Variants in DYNC2I1 observed in about 807,000 individuals in gnomAD.
The protein encoded by DYNC2I1 is dynein 2 intermediate chain 1.
A neutral mutation model predicts 133.4 loss-of-function variants in DYNC2I1; 89 were observed. The ratio of observed to expected loss-of-function variants is 0.67; its 90% CI spans 0.56 to 0.80. DYNC2I1 has a LOEUF of 0.80. Ranked by LOEUF, DYNC2I1 falls within the 30% of genes least tolerant of loss-of-function variation. The pLI, the probability that DYNC2I1 is intolerant of heterozygous loss-of-function variation, is 0.00. For synonymous variants in DYNC2I1, 504 were observed against 484.3 expected (o/e 1.04, Z -0.54); for missense variants, 1,291 against 1,314.5 (o/e 0.98, Z 0.28).
At chr7:158,847,120 A>C in the DYNC2I1 span, among the ~76,000 whole-genome samples, 2 of 152,256 alleles carry the variant, frequency 1.3e-5, no homozygotes, top group African/African-American at 4.8e-5. Context: ...TCACTTTAGT[A>C]ATATTTCGTA....
chr7:158,931,074 T>G (rs1475656180), intron 21 of DYNC2I1, among the ~76,000 whole-genome samples: 1 of 152,228 alleles, frequency 6.6e-6, no homozygotes, highest in Non-Finnish European at 1.5e-5. Context: ...TGGTCTTACT[T>G]AACTATTCTT....
In DYNC2I1 at chr7:158,876,598, ACTT is replaced by A; in HGVS notation, c.491-7_491-5del. The A allele has an allele frequency of 6.4e-7, 1 of 1,555,432 alleles. No homozygotes were observed. The highest frequency in any genetic ancestry group is 8.6e-7 in the Non-Finnish European group (1 of 1,158,826). ...TTTGGGAGTATTAAAAATATGTTTTACTTCTTGTAGTAAGTAAAGTAAGAAGTG... is the reference window on the plus strand; with the variant it reads ...TTTGGGAGTATTAAAAATATGTTTTACTTGTAGTAAGTAAAGTAAGAAGTG... On this transcript the variant is annotated splice_region_variant and splice_polypyrimidine_tract_variant and intron_variant, in intron 3 of 24. Coordinates refer to ENST00000407559, the MANE Select transcript of DYNC2I1 (RefSeq NM_018051.5).
intron 5 of DYNC2I1, among the ~76,000 whole-genome samples, chr7:158,881,202 C>T (rs1224109356): frequency 6.6e-6 from 1 of 152,240 alleles, no homozygotes; most frequent in Non-Finnish European, 1.5e-5. Context: ...CCTTTAACCT[C>T]CCTCGCCTTT....
At chr7:158,948,096 G>A (rs2129490113), downstream of DYNC2I1, among the ~76,000 whole-genome samples, 1 of 152,370 alleles carries the variant, frequency 6.6e-6, no homozygotes, top group East Asian at 1.9e-4. Flanking sequence ...CGCTAGCGAT[G>A]CCTCCGGGAT....
chr7:158,916,820 G>T lies in DYNC2I1; in HGVS notation c.1792-1920G>T, dbSNP rs1357418922. 6.9e-5 allele frequency among the ~76,000 whole-genome samples: 3 copies of T among 43,524 alleles called. No individual in the cohort carries two copies. In the East Asian group the frequency reaches 1.7e-3, roughly 25 times the overall value. The allele number at this position is 43,524 out of a possible 152,430, so 28.6% of individuals were successfully genotyped here. Reference sequence around the variant, plus strand: ...TTGACATTAAGGATGATTGTGAAACGTCGACACGCTGGTTGACATTAAGGA... The same window carrying T: ...TTGACATTAAGGATGATTGTGAAACTTCGACACGCTGGTTGACATTAAGGA... On this transcript the variant is annotated intron_variant, in intron 14 of 24. Transcript: ENST00000407559.
At chr7:158,878,006 C>T (rs141565091) in intron 4 of DYNC2I1, among the ~76,000 whole-genome samples, 2,369 of 152,292 alleles carry the variant, frequency 0.016, 27 homozygotes, top group Non-Finnish European at 0.023. Context: ...GGAGGGCTGA[C>T]TGTGAGTGCC....
chr7:158,926,432 C>T lies in DYNC2I1; in HGVS notation c.2402C>T (p.Ser801Phe), dbSNP rs745777073. 1 of 1,613,556 alleles carries T rather than the reference C, an allele frequency of 6.2e-7. No individual in the cohort carries two copies. Among genetic ancestry groups the T allele is most frequent in the Non-Finnish European group, 8.5e-7 (1 of 1,179,676 alleles). Residue 801 changes from serine (S) to phenylalanine (F), a missense_variant, in exon 19 of 25, where the codon TCC becomes TTC. By Grantham distance (155) the Ser-to-Phe change is radical (BLOSUM62 -2). Coordinates refer to ENST00000407559, the MANE Select transcript of DYNC2I1 (RefSeq NM_018051.5). ...TCAGGTTTGTCCTTCCACATCGCTT[C>T]CTTGGATGAGAGTGGGGTTCTCAAT... The part of the protein sequence containing the change: ...EMSGLSFHIA[S>F]LDESGVLNVW...
At chr7:158,915,385 CG>C (rs1563161716) in intron 14 of DYNC2I1, among the ~76,000 whole-genome samples, 17,991 of 109,816 alleles carry the variant, frequency 0.16, 205 homozygotes, top group Middle Eastern at 0.24. Flanking sequence ...TGTGAAACGT[CG>C]ACATGCTGGT....
intron 5 of DYNC2I1, among the ~76,000 whole-genome samples, chr7:158,882,591 G>C (rs1016889104): frequency 1.1e-4 from 17 of 152,112 alleles, no homozygotes; most frequent in Admixed American, 8.5e-4. Context: ...TTAAAAAAGA[G>C]ACCAGGCATG....
intron 8 of DYNC2I1, among the ~76,000 whole-genome samples, chr7:158,892,712 G>A (rs1363411524): frequency 6.6e-6 from 1 of 152,006 alleles, no homozygotes; most frequent in Non-Finnish European, 1.5e-5. Context: ...TTGGGAGGCC[G>A]AGGTGGGTGG....
rs759348977 is a variant in DYNC2I1, at chr7:158,902,724, G to C, written c.1357+129G>C. 1.5e-5 allele frequency: 12 copies of C among 807,570 alleles called. No homozygotes were observed. The Admixed American group carries it at 2.5e-4, about 17-fold the overall frequency. The allele number at this position is 807,570 out of a possible 1,614,324, so 50.0% of individuals were successfully genotyped here. ...GAGCAGTAACATCTTCCACATGCTG[G>C]TGGTGCCATGCCCTTGCAGCTACCA... On this transcript the variant is annotated intron_variant, in intron 10 of 24. Coordinates refer to ENST00000407559, the MANE Select transcript of DYNC2I1 (RefSeq NM_018051.5).
At chr7:158,923,505 T>C (rs1849294347) in intron 16 of DYNC2I1, 66 bp from the exon 17 acceptor site, 3 of 1,611,450 alleles carry the variant, frequency 1.9e-6, no homozygotes, top group Non-Finnish European at 2.5e-6. Context: ...ACTCAGTAAA[T>C]GCAGCTTGTG....
chr7:158,902,335 G>A, intron 9 of DYNC2I1, 41 bp from the exon 10 acceptor site: 2 of 1,560,554 alleles, frequency 1.3e-6, no homozygotes, highest in Non-Finnish European at 8.7e-7. Context: ...TTGAAAGTCA[G>A]TTTGTCTTAA....
At chr7:158,938,305 G>T (rs570570623) in intron 23 of DYNC2I1, among the ~76,000 whole-genome samples, 51 of 152,336 alleles carry the variant, frequency 3.3e-4, no homozygotes, top group South Asian at 1.0e-3. Flanking sequence ...GGCCAGGAGG[G>T]AGTAGAGTGA....
intron 1 of DYNC2I1, among the ~76,000 whole-genome samples, chr7:158,857,566 T>G (rs1359007249): frequency 7.0e-6 from 1 of 141,870 alleles, no homozygotes; most frequent in Non-Finnish European, 1.5e-5. Flanking sequence ...TGAGATGGAG[T>G]CTCACTCTGT....
intron 23 of DYNC2I1, among the ~76,000 whole-genome samples, chr7:158,937,881 C>CA (rs1387592856): frequency 6.6e-6 from 1 of 151,968 alleles, no homozygotes. Flanking sequence ...GCCTGGGTGA[C>CA]AGAGTGAATA....
At chr7:158,844,170 G>A in the DYNC2I1 span, among the ~76,000 whole-genome samples, 4 of 152,234 alleles carry the variant, frequency 2.6e-5, no homozygotes, top group South Asian at 2.1e-4. Context: ...GGAAGTTTTC[G>A]CCTGACTCAG....
chr7:158,923,456 G>C (rs1849289805), intron 16 of DYNC2I1, 115 bp from the exon 17 acceptor site: 2 of 1,404,556 alleles, frequency 1.4e-6, no homozygotes, highest in South Asian at 2.4e-5. Context: ...GGGCCCTGCA[G>C]GTGACTCCCG....
At chr7:158,848,558 T>C in the DYNC2I1 span, among the ~76,000 whole-genome samples, 44,253 of 152,056 alleles carry the variant, frequency 0.29, 9,826 homozygotes, top group East Asian at 0.71. Flanking sequence ...CTTTAGATGG[T>C]TTTTAAGAAA....
Sources: allele counts gnomAD v4.1 joint callset (sites outside exome capture counted in the v4.1 genomes callset), GRCh38; gene constraint gnomAD v4.1.1; transcripts MANE v1.5; gene names NCBI Gene and HGNC (gene_info 2026-07-23, HGNC 2026-07-21).